The following LRRC74A variants were observed in gnomAD, a reference collection of about 807,000 sequenced individuals.
The protein encoded by LRRC74A is leucine-rich repeat-containing protein 74A.
Under a neutral mutation model 57.9 loss-of-function variants are expected in LRRC74A, and 44 were observed. That is an observed-to-expected ratio of 0.76 (90% CI 0.60 to 0.98). The LOEUF (loss-of-function observed/expected upper bound fraction) is 0.98, where lower values mean the gene tolerates loss of function less well. Among genes scored for constraint, LRRC74A ranks in the 50% least tolerant of loss-of-function variants. The pLI, the probability that LRRC74A is intolerant of heterozygous loss-of-function variation, is 0.00. For missense variants in LRRC74A, 572 were observed against 574.0 expected (o/e 1.00, Z 0.04); for synonymous variants, 211 against 219.4 (o/e 0.96, Z 0.34).
chr14:76,839,318 C>T (rs1322519600), intron 5 of LRRC74A, among the ~76,000 whole-genome samples: 1 of 152,176 alleles, frequency 6.6e-6, no homozygotes, highest in Non-Finnish European at 1.5e-5. Flanking sequence ...TGGACTGTTG[C>T]CTATACCATC....
chr14:76,857,580 C>A (rs960027018), intron 10 of LRRC74A, 105 bp downstream of exon 10: 2 of 768,318 alleles, frequency 2.6e-6, no homozygotes, highest in Admixed American at 4.4e-5. Flanking sequence ...CCTCACAGGC[C>A]CTCACACAAG....
chr14:76,832,704 A>T (rs774732243), intron 3 of LRRC74A, among the ~76,000 whole-genome samples: 42 of 152,356 alleles, frequency 2.8e-4, no homozygotes, highest in South Asian at 1.0e-3. Context: ...ATCAGGAGGT[A>T]GCAGCTGCAT....
At position 76,844,470 on chromosome 14, in the gene LRRC74A, T is replaced by A. The variant is rs1349580656; in HGVS notation, c.592T>A (p.Ser198Thr). The change falls in exon 6 of 14, where the codon TCG becomes ACG. Residue 198 changes from serine to threonine, a missense_variant and splice_region_variant. Ser to Thr is a moderately conservative substitution (Grantham distance 58, BLOSUM62 1). Transcript: ENST00000689127. ...DSAALLCQAL[S>T]TNYQIKKLDL... ...CGCAGCACTGCTCTGCCAAGCCCTG[T>A]CGGTAAGAGGCAGGGAGTGCAGCCA... 27 of 1,611,640 alleles carry A rather than the reference T, an allele frequency of 1.7e-5. No homozygotes were observed. The highest frequency in any genetic ancestry group is 1.9e-5 in the Non-Finnish European group (22 of 1,179,106).
chr14:76,864,374 T>C (rs1898579395), intron 11 of LRRC74A, among the ~76,000 whole-genome samples: 2 of 115,968 alleles, frequency 1.7e-5, no homozygotes, highest in East Asian at 3.0e-4. Flanking sequence ...ATCGATACAG[T>C]AGGACGCTGT....
At chr14:76,857,541 C>A in intron 10 of LRRC74A, 66 bp downstream of exon 10, 1 of 1,180,516 alleles carries the variant, frequency 8.5e-7, no homozygotes, top group South Asian at 1.3e-5. Context: ...ACTCTATACT[C>A]TGTGTTGGCC....
At position 76,864,417 on chromosome 14, in the gene LRRC74A, G is replaced by C. The variant is rs1305970317; in HGVS notation, c.1201-1551G>C. Among the ~76,000 whole-genome samples, 53 of 127,952 alleles carry C rather than the reference G, an allele frequency of 4.1e-4. 2 individuals carry two copies. The highest frequency in any genetic ancestry group is 3.9e-4 in the Admixed American group (5 of 12,848). 83.9% of individuals were successfully genotyped at this position (127,952 alleles called of 152,430 possible). A position where few individuals can be genotyped will look rare whatever the true frequency, so the allele number is the denominator to read the frequency against. On this transcript the variant is annotated intron_variant, in intron 11 of 13. Transcript: ENST00000689127. ...TTTCTGAGAGTGAGAGGAAGGGGGG[G>C]GGGGGGTGGCGGGGGGAAGGGGGGT...
intron 3 of LRRC74A, among the ~76,000 whole-genome samples, chr14:76,833,989 T>A (rs1179725846): frequency 6.6e-6 from 1 of 152,216 alleles, no homozygotes; most frequent in Admixed American, 6.5e-5. Context: ...GTTCCTTGTA[T>A]GATAAGGATA....
intron 10 of LRRC74A, among the ~76,000 whole-genome samples, chr14:76,859,193 G>T (rs1054554653): frequency 6.6e-6 from 1 of 152,064 alleles, no homozygotes; most frequent in Non-Finnish European, 1.5e-5. Flanking sequence ...GGCAGTACAC[G>T]TTGGAAGGCA....
chr14:76,831,008 A>G (rs1244566831), intron 2 of LRRC74A, among the ~76,000 whole-genome samples, 195 bp from the exon 3 acceptor site: 1 of 152,196 alleles, frequency 6.6e-6, no homozygotes, highest in Admixed American at 6.5e-5. Flanking sequence ...TTCATCTGGG[A>G]CTTTCTGGAG....
Position 76,853,327 on chromosome 14 carries a change from A to G in LRRC74A, c.874A>G (p.Ile292Val). The G allele has an allele frequency of 1.2e-6, 2 of 1,613,080 alleles. No individual in the cohort carries two copies. Among genetic ancestry groups the G allele is most frequent in the East Asian group, 2.2e-5 (1 of 44,870 alleles). ...RLNRCLVYLDIGGNDIGNEGA... is the reference protein window; with the variant it reads ...RLNRCLVYLDVGGNDIGNEGA... ...CAACCGCTGCCTGGTCTACCTGGATATCGGTGGCAATGACATCGGCAATGA... is the reference window on the plus strand; with the variant it reads ...CAACCGCTGCCTGGTCTACCTGGATGTCGGTGGCAATGACATCGGCAATGA... Residue 292 changes from isoleucine to valine, a missense_variant, in exon 9 of 14, where the codon ATC (isoleucine) becomes GTC (valine). By Grantham distance (29) the Ile-to-Val change is conservative. Transcript: ENST00000689127.
chr14:76,867,555 T>C (rs904530009), intron 13 of LRRC74A, 117 bp downstream of exon 13: 14 of 607,118 alleles, frequency 2.3e-5, no homozygotes, highest in African/African-American at 2.1e-4. Context: ...CCCACCTGCC[T>C]GTTCCCTGCA....
intron 8 of LRRC74A, among the ~76,000 whole-genome samples, chr14:76,852,849 C>T (rs1195225028): frequency 6.6e-6 from 1 of 152,120 alleles, no homozygotes; most frequent in Non-Finnish European, 1.5e-5. Context: ...GAACTCCTGA[C>T]CTTGTGATCC....
chr14:76,844,045 C>G (rs187517677), intron 5 of LRRC74A, among the ~76,000 whole-genome samples: 2 of 152,156 alleles, frequency 1.3e-5, no homozygotes, highest in Admixed American at 1.3e-4. Context: ...GTCACCCAGG[C>G]TGGAGTGCAG....
intron 12 of LRRC74A, among the ~76,000 whole-genome samples, chr14:76,866,930 G>GGGT (rs1898858078): frequency 7.9e-6 from 1 of 126,434 alleles, no homozygotes; most frequent in Non-Finnish European, 1.7e-5. Context: ...GTGTGTTGGG[G>GGGT]GGGGTGGTAG....
chr14:76,857,733 T>C (rs1171999658), intron 10 of LRRC74A, among the ~76,000 whole-genome samples: 3 of 151,960 alleles, frequency 2.0e-5, no homozygotes, highest in Admixed American at 6.6e-5. Flanking sequence ...AACCTGAGAG[T>C]AGAGATAAGA....
intron 7 of LRRC74A, among the ~76,000 whole-genome samples, chr14:76,847,634 G>C (rs1226940681): frequency 6.6e-6 from 1 of 151,688 alleles, no homozygotes; most frequent in East Asian, 1.9e-4. Context: ...CAAACCCTGT[G>C]ACACAAGTTT....
chr14:76,865,828 G>T (rs1566745977), intron 11 of LRRC74A, 140 bp from the exon 12 acceptor site: 1 of 647,674 alleles, frequency 1.5e-6, no homozygotes, highest in Non-Finnish European at 2.7e-6. Context: ...GGAGACGCAG[G>T]CTCCTCACCT....
intron 8 of LRRC74A, 102 bp downstream of exon 8, chr14:76,852,552 G>C: frequency 1.4e-6 from 1 of 736,962 alleles, no homozygotes; most frequent in Non-Finnish European, 2.2e-6. Flanking sequence ...CCATCAATGA[G>C]GGCATACTGG....
At position 76,857,484 on chromosome 14, in the gene LRRC74A, T is replaced by C. The variant is rs1317313221; in HGVS notation, c.1053+9T>C. The C allele has an allele frequency of 6.4e-7, 1 of 1,557,822 alleles. No individual in the cohort carries two copies. The highest frequency in any genetic ancestry group is 8.7e-7 in the Non-Finnish European group (1 of 1,147,922). On this transcript the variant is annotated intron_variant, in intron 10 of 13. Transcript: ENST00000689127. ...AAGAGCTTGATATTTCCGTAAGTGATCAAATGGTAGTTGCTTGCGTCTGGG... is the reference window on the plus strand; with the variant it reads ...AAGAGCTTGATATTTCCGTAAGTGACCAAATGGTAGTTGCTTGCGTCTGGG...
Sources: allele counts gnomAD v4.1 joint callset (sites outside exome capture counted in the v4.1 genomes callset), GRCh38; gene constraint gnomAD v4.1.1; transcripts MANE v1.5; gene names NCBI Gene and HGNC (gene_info 2026-07-23, HGNC 2026-07-21).